The following BBS9 variants were observed in gnomAD, a reference collection of about 807,000 sequenced individuals.
The protein encoded by BBS9 is Bardet-Biedl syndrome 9.
BBS9 carries 89 observed loss-of-function variants against 117.7 expected under a neutral mutation model. That is an observed-to-expected ratio of 0.76 (90% CI 0.64 to 0.90). The LOEUF (loss-of-function observed/expected upper bound fraction) is 0.90. Ranked by LOEUF, BBS9 falls within the 40% of genes least tolerant of loss-of-function variation. BBS9 has a pLI of 0.00. For missense variants in BBS9, 982 were observed against 1,042.2 expected (o/e 0.94, Z 0.80); for synonymous variants, 379 against 370.9 (o/e 1.02, Z -0.25).
intron 19 of BBS9, among the ~76,000 whole-genome samples, chr7:33,402,396 G>A (rs1829063139): frequency 6.6e-6 from 1 of 152,094 alleles, no homozygotes; most frequent in Admixed American, 6.6e-5. Flanking sequence ...ATGCGTTGTA[G>A]TGTACCATTT....
rs886062283 is a variant in BBS9 at position 33,155,646 on chromosome 7, A to T, written c.272A>T (p.Glu91Val). The T allele has an allele frequency of 1.9e-6, 3 of 1,592,362 alleles. No individual in the cohort carries two copies. The highest frequency in any genetic ancestry group is 2.6e-6 in the Non-Finnish European group (3 of 1,164,586). ...VEVGKFVSGT[E>V]MLHLAVLHSR... is the part of the protein sequence containing the mutation. ...CTTTCTCTGTTTTTCAGAGGTACCG[A>T]AATGCTACATTTGGCTGTGTTACAT... Residue 91 changes from glutamate to valine, a missense_variant, in exon 4 of 23, where the codon GAA (glutamate) becomes GTA (valine). By Grantham distance (121) the Glu-to-Val change is moderately radical (BLOSUM62 -2). Coordinates refer to ENST00000242067, the MANE Select transcript of BBS9 (RefSeq NM_198428.3).
At chr7:33,538,668 A>G (rs910274484) in intron 21 of BBS9, among the ~76,000 whole-genome samples, 4 of 151,970 alleles carry the variant, frequency 2.6e-5, no homozygotes, top group African/African-American at 7.3e-5. Context: ...TTGAATTTTT[A>G]TAAGTTTGAA....
chr7:33,152,884 T>A (rs368821728), intron 3 of BBS9, 33 bp downstream of exon 3: 1 of 1,608,484 alleles, frequency 6.2e-7, no homozygotes, highest in Non-Finnish European at 8.5e-7. Flanking sequence ...GTATTTTACT[T>A]GGAGTATGTC....
chr7:33,569,943 T>G (rs1857520133), intron 21 of BBS9, among the ~76,000 whole-genome samples: 1 of 152,174 alleles, frequency 6.6e-6, no homozygotes, highest in Admixed American at 6.5e-5. Context: ...TTTTGGTTTC[T>G]AATTACCATC....
intron 19 of BBS9, among the ~76,000 whole-genome samples, chr7:33,426,417 C>T (rs1006807038): frequency 1.3e-5 from 2 of 152,036 alleles, no homozygotes; most frequent in Non-Finnish European, 2.9e-5. Flanking sequence ...AACACTTCCC[C>T]GTGGATTTGG....
At chr7:33,443,780 A>G (rs17170244) in intron 19 of BBS9, among the ~76,000 whole-genome samples, 1,768 of 152,322 alleles carry the variant, frequency 0.012, 34 homozygotes, top group African/African-American at 0.04. Context: ...CTGTGTGACC[A>G]TGAATTATAA....
chr7:33,259,736 A>G (rs886537745), intron 6 of BBS9, among the ~76,000 whole-genome samples: 5 of 152,108 alleles, frequency 3.3e-5, no homozygotes, highest in Non-Finnish European at 1.5e-5. Flanking sequence ...TGGGCCATGT[A>G]TGTCCAAACT....
intron 5 of BBS9, among the ~76,000 whole-genome samples, chr7:33,191,519 C>A (rs1046689360): frequency 6.6e-6 from 1 of 152,164 alleles, no homozygotes; most frequent in African/African-American, 2.4e-5. Flanking sequence ...TACCTTAGAA[C>A]TGACAGGAGA....
At chr7:33,221,906 TATAC>T (rs1412307792) in intron 5 of BBS9, among the ~76,000 whole-genome samples, 1 of 147,636 alleles carries the variant, frequency 6.8e-6, no homozygotes. Flanking sequence ...CATATATATA[TATAC>T]ACACACACAC....
chr7:33,273,957 G>A lies in BBS9; in HGVS notation c.1016+1G>A, dbSNP rs1443128076. ...TAGCAGTAAGAGTGGGCTGTTTGCA[G>A]TAAGTGATTTAATTTAACACAGTTT... On this transcript the variant is annotated splice_donor_variant, in intron 9 of 22. Coordinates refer to ENST00000242067, the MANE Select transcript of BBS9 (RefSeq NM_198428.3). LOFTEE classifies it high-confidence loss of function. 1.9e-6 allele frequency: 3 copies of A among 1,613,660 alleles called. No individual in the cohort carries two copies. The highest frequency in any genetic ancestry group is 2.5e-6 in the Non-Finnish European group (3 of 1,179,760).
At chr7:33,475,219 T>A (rs1276216665) in intron 19 of BBS9, among the ~76,000 whole-genome samples, 2 of 152,188 alleles carry the variant, frequency 1.3e-5, no homozygotes, top group Non-Finnish European at 2.9e-5. Context: ...AGACAATAAA[T>A]AAATAAATAA....
chr7:33,471,004 C>T (rs6462481), intron 19 of BBS9, among the ~76,000 whole-genome samples: 52,300 of 152,042 alleles, frequency 0.34, 11,622 homozygotes, highest in African/African-American at 0.64. Flanking sequence ...CATTTTCCTG[C>T]GGATTATTCA....
intron 19 of BBS9, among the ~76,000 whole-genome samples, chr7:33,427,168 G>A (rs1833781114): frequency 6.6e-6 from 1 of 152,154 alleles, no homozygotes; most frequent in Non-Finnish European, 1.5e-5. Flanking sequence ...TGGCACAAAT[G>A]CTGATGTTCT....
chr7:33,310,826 G>T (rs1809062118), intron 9 of BBS9, among the ~76,000 whole-genome samples: 1 of 152,146 alleles, frequency 6.6e-6, no homozygotes, highest in Non-Finnish European at 1.5e-5. Context: ...AATTAATTCA[G>T]CAAGTGCTTA....
intron 21 of BBS9, among the ~76,000 whole-genome samples, chr7:33,577,393 C>T (rs891931637): frequency 2.0e-5 from 3 of 152,164 alleles, no homozygotes; most frequent in Admixed American, 1.3e-4. Context: ...GTTAAAAAGT[C>T]AGGAAACAAC....
At chr7:33,342,104 T>C (rs1355286916) in intron 11 of BBS9, among the ~76,000 whole-genome samples, 2 of 152,128 alleles carry the variant, frequency 1.3e-5, no homozygotes, top group Non-Finnish European at 2.9e-5. Flanking sequence ...CTTTAAAACG[T>C]ATATCATGAG....
chr7:33,238,169 A>G (rs17396870), intron 5 of BBS9, among the ~76,000 whole-genome samples: 40,805 of 152,242 alleles, frequency 0.27, 6,188 homozygotes, highest in Admixed American at 0.41. Flanking sequence ...AAGGTTCAAT[A>G]TACATGTTTG....
intron 5 of BBS9, among the ~76,000 whole-genome samples, chr7:33,217,257 GAT>G (rs1417949458): frequency 6.6e-6 from 1 of 151,728 alleles, no homozygotes; most frequent in Non-Finnish European, 1.5e-5. Flanking sequence ...AAGAAAATTA[GAT>G]GAAATTTTCT....
chr7:33,436,322 T>G (rs1193232149), intron 19 of BBS9, among the ~76,000 whole-genome samples: 4 of 152,196 alleles, frequency 2.6e-5, no homozygotes, highest in Non-Finnish European at 5.9e-5. Flanking sequence ...TGTGTTGTAG[T>G]GTACTTGATG....
Sources: gnomAD v4.1 joint callset for allele counts (sites outside exome capture counted in the v4.1 genomes callset) on GRCh38, gnomAD v4.1.1 for gene constraint, MANE v1.5 for transcripts, NCBI Gene and HGNC (gene_info 2026-07-23, HGNC 2026-07-21) for gene names.